The following TMEM62 variants were observed in gnomAD, a reference collection of about 807,000 sequenced individuals.
The protein encoded by TMEM62 is transmembrane protein 62.
In TMEM62, 41 loss-of-function variants were observed where a neutral mutation model predicts 70.4. The observed-to-expected ratio is 0.58, with a 90% CI of 0.45 to 0.76. TMEM62 has a LOEUF of 0.76. Among genes scored for constraint, TMEM62 ranks in the 30% least tolerant of loss-of-function variants. The probability of loss-of-function intolerance (pLI) is 0.00; values close to 1 mark genes in which losing one functional copy is unlikely to be tolerated. For synonymous variants in TMEM62, 268 were observed against 291.0 expected (o/e 0.92, Z 0.80); for missense variants, 688 against 788.5 (o/e 0.87, Z 1.53).
In TMEM62 at chr15:43,151,805, T is replaced by G. The variant is rs2037424765; in HGVS notation, c.882T>G (p.Ala294=). ...TGGTCTTTAGGTACCGGATTTTTGCTTTTGATCACGACCTCTTTAGCTTTG... is the reference window on the plus strand; with the variant it reads ...TGGTCTTTAGGTACCGGATTTTTGCGTTTGATCACGACCTCTTTAGCTTTG... ...WKDNRRYRIF[A]FDHDLFSFAD... The change falls in exon 8 of 14, where the codon GCT becomes GCG. Residue 294 remains alanine, a synonymous_variant. Coordinates refer to ENST00000260403, the MANE Select transcript of TMEM62 (RefSeq NM_024956.4). The G allele has an allele frequency of 6.2e-7, 1 of 1,613,358 alleles. No homozygotes were observed. Among genetic ancestry groups the G allele is most frequent in the Admixed American group, 1.7e-5 (1 of 59,834 alleles).
At position 43,138,608 on chromosome 15, in the gene TMEM62, G is replaced by T. The variant is rs770827214; in HGVS notation, c.465G>T (p.Lys155Asn). 5 of 1,591,818 alleles carry T rather than the reference G, an allele frequency of 3.1e-6. No individual in the cohort carries two copies. The South Asian group carries it at 4.4e-5, about 14-fold the overall frequency. ...AFNIPSLDSI[K>N]NYYRKYSAVR... Reference sequence around the variant, plus strand: ...ATATTCCAAGTCTGGACAGCATCAAGAATTATTACAGGTACTGTAATAAAC... The same window carrying T: ...ATATTCCAAGTCTGGACAGCATCAATAATTATTACAGGTACTGTAATAAAC... The change falls in exon 4 of 14, where the codon AAG becomes AAT. Residue 155 changes from lysine to asparagine, a missense_variant. Transcript: ENST00000260403.
At chr15:43,181,375 C>A (rs2041313409) in intron 13 of TMEM62, 76 bp downstream of exon 13, 1 of 941,210 alleles carries the variant, frequency 1.1e-6, no homozygotes, top group African/African-American at 1.6e-5. Flanking sequence ...GAATTAAATC[C>A]AAAATCCAGA....
chr15:43,150,405 T>G (rs1219325614), intron 7 of TMEM62, among the ~76,000 whole-genome samples: 1 of 152,188 alleles, frequency 6.6e-6, no homozygotes, highest in Non-Finnish European at 1.5e-5. Flanking sequence ...GGCATTTCCT[T>G]TCTCTCTCCA....
In TMEM62 at chr15:43,135,548, G is replaced by A. The variant is rs1359469503; in HGVS notation, c.329G>A (p.Gly110Glu). ...GATGCCAAAACAAAGGAACAGTTGGGATCCAGGCAGCATGAGGTAGAATGG... is the reference window on the plus strand; with the variant it reads ...GATGCCAAAACAAAGGAACAGTTGGAATCCAGGCAGCATGAGGTAGAATGG... Reference protein sequence around the residue: ...LTDAKTKEQLGSRQHEVEWQT... With the variant: ...LTDAKTKEQLESRQHEVEWQT... Residue 110 changes from glycine to glutamate, a missense_variant, in exon 3 of 14, where the codon GGA becomes GAA. Coordinates refer to ENST00000260403, the MANE Select transcript of TMEM62 (RefSeq NM_024956.4). 1 of 1,610,912 alleles carries A rather than the reference G, an allele frequency of 6.2e-7. No individual in the cohort carries two copies. Among genetic ancestry groups the A allele is most frequent in the Admixed American group, 1.7e-5 (1 of 58,828 alleles).
intron 4 of TMEM62, among the ~76,000 whole-genome samples, chr15:43,139,687 A>G (rs1567177632): frequency 6.6e-6 from 1 of 152,228 alleles, no homozygotes; most frequent in East Asian, 1.9e-4. Flanking sequence ...CACCTACAAC[A>G]TTCACTTAAG....
chr15:43,181,584 C>T (rs2041331963), intron 13 of TMEM62, among the ~76,000 whole-genome samples: 1 of 152,214 alleles, frequency 6.6e-6, no homozygotes, highest in African/African-American at 2.4e-5. Context: ...TCACTGCAGC[C>T]TCCACCTCTT....
At chr15:43,172,598 A>G (rs2142008568) in intron 11 of TMEM62, among the ~76,000 whole-genome samples, 1 of 152,346 alleles carries the variant, frequency 6.6e-6, no homozygotes, top group East Asian at 1.9e-4. Flanking sequence ...AATCCTGCTT[A>G]AAACATCTAG....
In TMEM62 at chr15:43,138,629, T is replaced by C. The variant is rs889841033; in HGVS notation, c.476+10T>C. The C allele has an allele frequency of 4.4e-6, 7 of 1,594,014 alleles. No individual in the cohort carries two copies. The highest frequency in any genetic ancestry group is 1.4e-5 in the African/African-American group (1 of 73,944). ...TCAAGAATTATTACAGGTACTGTAA[T>C]AAACAGAAGACAGACCACTATGTAG... On this transcript the variant is annotated intron_variant, in intron 4 of 13. Coordinates refer to ENST00000260403, the MANE Select transcript of TMEM62 (RefSeq NM_024956.4).
chr15:43,159,116 G>C (rs567758445), intron 9 of TMEM62, among the ~76,000 whole-genome samples: 3 of 152,116 alleles, frequency 2.0e-5, no homozygotes, highest in Non-Finnish European at 2.9e-5. Context: ...CTTTTTGTGA[G>C]TACATAGTAG....
At chr15:43,142,861 G>A (rs576861029) in intron 4 of TMEM62, among the ~76,000 whole-genome samples, 7 of 149,500 alleles carry the variant, frequency 4.7e-5, no homozygotes, top group African/African-American at 1.7e-4. Context: ...ATAGAGACAG[G>A]GTTTCTAAAT....
chr15:43,148,810 C>T lies in TMEM62; in HGVS notation c.674C>T (p.Thr225Ile), dbSNP rs1459877054. ...LAKESSRSNHTIWFGHFTTST... is the reference protein window; with the variant it reads ...LAKESSRSNHIIWFGHFTTST... ...AAGGAAAGCAGTCGGAGCAACCATA[C>T]AATTTGGTTTGGACACTTTACAACA... Residue 225 changes from threonine to isoleucine, a missense_variant, in exon 6 of 14, where the codon ACA becomes ATA. Transcript: ENST00000260403. The T allele has an allele frequency of 1.2e-6, 2 of 1,613,998 alleles. No individual in the cohort carries two copies. Among genetic ancestry groups the T allele is most frequent in the African/African-American group, 1.3e-5 (1 of 74,924 alleles).
At chr15:43,148,063 T>G (rs2036895910) in intron 5 of TMEM62, among the ~76,000 whole-genome samples, 1 of 152,226 alleles carries the variant, frequency 6.6e-6, no homozygotes, top group Non-Finnish European at 1.5e-5. Context: ...TCACCACAGT[T>G]AAGACATAGA....
At position 43,178,701 on chromosome 15, in the gene TMEM62, T is replaced by G; in HGVS notation, c.1476T>G (p.Tyr492Ter). Residue 492 changes from tyrosine to a stop codon, truncating the protein, a stop_gained, in exon 12 of 14, where the codon TAT (tyrosine) becomes TAG (stop). Coordinates refer to ENST00000260403, the MANE Select transcript of TMEM62 (RefSeq NM_024956.4). LOFTEE classifies it high-confidence loss of function. Reference protein sequence around the residue: ...FYYSVLLLTLYTVLGPWFFGE... With the variant: ...FYYSVLLLTL ...ATTCTGTGTTGTTGTTGACCCTGTA[T>G]ACAGTGCTGGGTAAGTAAATTAGTA... 1 of 1,602,044 alleles carries G rather than the reference T, an allele frequency of 6.2e-7. No individual in the cohort carries two copies. Among genetic ancestry groups the G allele is most frequent in the Non-Finnish European group, 8.5e-7 (1 of 1,169,644 alleles).
At chr15:43,168,870 G>C (rs936036818) in intron 10 of TMEM62, 3 of 152,288 alleles carry the variant, frequency 2.0e-5, no homozygotes. Flanking sequence ...GCTGGTGCTG[G>C]AGCTAGCTGG....
chr15:43,151,320 A>AAAAG (rs1491102319), intron 7 of TMEM62, among the ~76,000 whole-genome samples: 2 of 132,686 alleles, frequency 1.5e-5, no homozygotes, highest in Non-Finnish European at 3.1e-5. Context: ...CAAAAATAAG[A>AAAAG]AAAAAAAAAA....
At chr15:43,174,969 T>G (rs2040577265) in intron 11 of TMEM62, among the ~76,000 whole-genome samples, 1 of 152,200 alleles carries the variant, frequency 6.6e-6, no homozygotes, top group South Asian at 2.1e-4. Flanking sequence ...TCCTGACTGC[T>G]TAGAATCACT....
At chr15:43,146,710 A>G in intron 5 of TMEM62, 76 bp downstream of exon 5, 4 of 1,274,628 alleles carry the variant, frequency 3.1e-6, no homozygotes, top group Non-Finnish European at 4.3e-6. Context: ...TAAAGTTATC[A>G]AAAGTAAACT....
chr15:43,184,427 CT>C lies in TMEM62; in HGVS notation c.1776del (p.Leu593PhefsTer8). 1 of 1,614,212 alleles carries C rather than the reference CT, an allele frequency of 6.2e-7. No homozygotes were observed. Among genetic ancestry groups the C allele is most frequent in the Non-Finnish European group, 8.5e-7 (1 of 1,180,008 alleles). ...LYIWQVYSCY[F>X]LYATYGTLAF... Reference sequence around the variant, plus strand: ...ACATCTGGCAGGTTTATTCCTGCTACTTTCTTTATGCAACATACGGCACCCT... The same window carrying C: ...ACATCTGGCAGGTTTATTCCTGCTACTTCTTTATGCAACATACGGCACCCT... On this transcript the variant is annotated frameshift_variant, in exon 14 of 14. Coordinates refer to ENST00000260403, the MANE Select transcript of TMEM62 (RefSeq NM_024956.4). LOFTEE classifies it high-confidence loss of function.
chr15:43,183,205 A>G (rs984642469), intron 13 of TMEM62, among the ~76,000 whole-genome samples: 2 of 152,126 alleles, frequency 1.3e-5, no homozygotes, highest in African/African-American at 4.8e-5. Flanking sequence ...TCTGCTTCCA[A>G]TGCATATCTT....
Sources: allele counts gnomAD v4.1 joint callset (sites outside exome capture counted in the v4.1 genomes callset), GRCh38; gene constraint gnomAD v4.1.1; transcripts MANE v1.5; gene names NCBI Gene and HGNC (gene_info 2026-07-23, HGNC 2026-07-21).